UBE2U: variants seen among roughly 807,000 people sequenced by gnomAD.
UBE2U encodes ubiquitin conjugating enzyme E2 U.
UBE2U carries 39 observed loss-of-function variants against 41.2 expected under a neutral mutation model. The observed-to-expected ratio is 0.95, with a 90% confidence interval of 0.73 to 1.24. The LOEUF (loss-of-function observed/expected upper bound fraction) is 1.24, where lower values mean the gene tolerates loss of function less well. Among genes scored for constraint, UBE2U ranks in the 50% most tolerant of loss-of-function variants. The pLI, the probability that UBE2U is intolerant of heterozygous loss-of-function variation, is 0.00. For synonymous variants in UBE2U, 107 were observed against 117.8 expected, an observed-to-expected ratio of 0.91 and a Z score of 0.60; for missense variants, 336 against 363.1, an observed-to-expected ratio of 0.93 and a Z score of 0.61.
chr1:64,211,492 T>G (rs1651659381), intron 4 of UBE2U, among the ~76,000 whole-genome samples: 1 of 152,146 alleles, frequency 6.6e-6, no homozygotes, highest in Admixed American at 6.6e-5. Flanking sequence ...CAGGCTAGAG[T>G]GCAACGGCAC....
chr1:64,245,074 T>G (rs1644897751), intron 8 of UBE2U, among the ~76,000 whole-genome samples: 1 of 152,222 alleles, frequency 6.6e-6, no homozygotes, highest in Admixed American at 6.6e-5. Context: ...ATGAATATTT[T>G]ATGCAAAATC....
intron 8 of UBE2U, among the ~76,000 whole-genome samples, chr1:64,258,720 A>T (rs1461167437): frequency 2.6e-5 from 4 of 152,186 alleles, no homozygotes; most frequent in Non-Finnish European, 4.4e-5. Context: ...CCAGTCTATC[A>T]TAGATGGACA....
At chr1:64,261,369 G>A (rs1645178175) in intron 9 of UBE2U, among the ~76,000 whole-genome samples, 1 of 152,140 alleles carries the variant, frequency 6.6e-6, no homozygotes, top group African/African-American at 2.4e-5. Context: ...CTTACTCACA[G>A]GATTCTTATG....
intron 6 of UBE2U, among the ~76,000 whole-genome samples, chr1:64,231,372 G>A (rs992732181): frequency 6.6e-6 from 1 of 152,196 alleles, no homozygotes; most frequent in Non-Finnish European, 1.5e-5. Flanking sequence ...TTTCATGCAG[G>A]AGATATAATG....
chr1:64,238,044 G>A (rs1644702466), intron 7 of UBE2U, among the ~76,000 whole-genome samples: 1 of 152,170 alleles, frequency 6.6e-6, no homozygotes, highest in Non-Finnish European at 1.5e-5. Flanking sequence ...CTCTATGTCT[G>A]TTTGACCATC....
intron 6 of UBE2U, 93 bp downstream of exon 6, chr1:64,221,000 G>T: frequency 1.2e-6 from 1 of 846,132 alleles, no homozygotes; most frequent in Non-Finnish European, 1.8e-6. Flanking sequence ...TTAAATGTTT[G>T]TTTTTAATTT....
At chr1:64,204,192 T>G (rs538713067) in intron 1 of UBE2U, 76 bp downstream of exon 1, 1 of 1,403,352 alleles carries the variant, frequency 7.1e-7, no homozygotes, top group African/African-American at 1.4e-5. Flanking sequence ...CATTTTATTC[T>G]ATAAGTAGTA....
In UBE2U at chr1:64,239,140, AG is replaced by A. The variant is rs1354920094; in HGVS notation, c.596-2511del. On this transcript the variant is annotated intron_variant, in intron 7 of 9. Coordinates refer to ENST00000371077, the MANE Select transcript of UBE2U (RefSeq NM_001366232.2). ...AAGAAGAAGAAGAAGAAGAAGAAGAAGAAGAAGAAGAAGAAGAAAGAAGAAG... is the reference window on the plus strand; with the variant it reads ...AAGAAGAAGAAGAAGAAGAAGAAGAAAAGAAGAAGAAGAAGAAAGAAGAAG... Among the ~76,000 whole-genome samples, 92 of 28,344 alleles carry A rather than the reference AG, an allele frequency of 3.2e-3. 7 individuals carry two copies. The East Asian group carries it at 0.11, about 33-fold the overall frequency. The allele number at this position is 28,344 out of a possible 152,430, so 18.6% of individuals were successfully genotyped here. A position where few individuals can be genotyped will look rare whatever the true frequency, so the allele number is the denominator to read the frequency against.
At chr1:64,236,499 T>G (rs1029073954) in intron 7 of UBE2U, among the ~76,000 whole-genome samples, 1 of 152,210 alleles carries the variant, frequency 6.6e-6, no homozygotes, top group Admixed American at 6.5e-5. Flanking sequence ...TCCACTGCTA[T>G]AGAATGGCAA....
At chr1:64,233,294 A>C (rs1644605828) in intron 7 of UBE2U, among the ~76,000 whole-genome samples, 1 of 152,090 alleles carries the variant, frequency 6.6e-6, no homozygotes, top group Admixed American at 6.6e-5. Flanking sequence ...GGCGTGAGCC[A>C]CCACACCCGG....
intron 9 of UBE2U, among the ~76,000 whole-genome samples, chr1:64,261,761 C>G (rs1323311175): frequency 6.6e-6 from 1 of 152,190 alleles, no homozygotes; most frequent in African/African-American, 2.4e-5. Context: ...TCTGCAATCT[C>G]TGTCTTTCAA....
At chr1:64,221,234 C>T (rs537858439) in intron 6 of UBE2U, among the ~76,000 whole-genome samples, 1 of 152,254 alleles carries the variant, frequency 6.6e-6, no homozygotes, top group African/African-American at 2.4e-5. Context: ...GCCTCAGCCT[C>T]CCAAGTAGCT....
intron 7 of UBE2U, 37 bp from the exon 8 acceptor site, chr1:64,241,615 G>A (rs777861473): frequency 5.2e-5 from 74 of 1,417,882 alleles, no homozygotes; most frequent in Non-Finnish European, 6.3e-5. Context: ...ATTAAAGAAT[G>A]TATGTATAGC....
intron 7 of UBE2U, among the ~76,000 whole-genome samples, chr1:64,239,127 A>G (rs1036242786): frequency 4.3e-3 from 93 of 21,858 alleles, no homozygotes; most frequent in African/African-American, 0.02. Context: ...GAAGAAGAAG[A>G]AGAAGAAGAA....
At chr1:64,261,151 T>C (rs1645174866) in intron 9 of UBE2U, among the ~76,000 whole-genome samples, 1 of 152,162 alleles carries the variant, frequency 6.6e-6, no homozygotes, top group African/African-American at 2.4e-5. Context: ...GAGTGAGTCT[T>C]CAGCCGGGAG....
At chr1:64,209,431 C>G (rs1276125146) in intron 3 of UBE2U, among the ~76,000 whole-genome samples, 2 of 152,142 alleles carry the variant, frequency 1.3e-5, no homozygotes, top group Non-Finnish European at 2.9e-5. Flanking sequence ...TCCTTCTGAC[C>G]ATACTGGGTA....
At chr1:64,210,557 A>G (rs909829410) in intron 3 of UBE2U, among the ~76,000 whole-genome samples, 185 bp from the exon 4 acceptor site, 1 of 152,218 alleles carries the variant, frequency 6.6e-6, no homozygotes, top group African/African-American at 2.4e-5. Context: ...CTATGTATTC[A>G]GCTAAAACAA....
At chr1:64,239,050 AGAAGAAGAAGAAGAAGAGGAAGAG>A (rs1644726321) in intron 7 of UBE2U, among the ~76,000 whole-genome samples, 3 of 48,918 alleles carry the variant, frequency 6.1e-5, no homozygotes, top group East Asian at 3.5e-4. Flanking sequence ...CTCAAAAAGA[AGAAGAAGAAGAAGAAGAGGAAGAG>A]GAAGAGGAAG....
At position 64,222,347 on chromosome 1, in the gene UBE2U, C is replaced by G. The variant is rs547433925; in HGVS notation, c.506+1440C>G. On this transcript the variant is annotated intron_variant, in intron 6 of 9. Transcript: ENST00000371077. ...TCCTTAGATATCAAAAGTTATTACTCTTTATGGTATAGTTATTTGCAGTTC... is the reference window on the plus strand; with the variant it reads ...TCCTTAGATATCAAAAGTTATTACTGTTTATGGTATAGTTATTTGCAGTTC... Among the ~76,000 whole-genome samples, 4 of 152,228 alleles carry G rather than the reference C, an allele frequency of 2.6e-5. No homozygotes were observed. In the East Asian group the frequency reaches 5.8e-4, roughly 22 times the overall value.
Sources: gnomAD v4.1 joint callset for allele counts (sites outside exome capture counted in the v4.1 genomes callset) on GRCh38, gnomAD v4.1.1 for gene constraint, MANE v1.5 for transcripts, NCBI Gene and HGNC (gene_info 2026-07-23, HGNC 2026-07-21) for gene names.